CNTN5: variants seen among roughly 807,000 people sequenced by gnomAD.
CNTN5 encodes contactin 5, also known as contactin-5.
A neutral mutation model predicts 129.1 loss-of-function variants in CNTN5; 77 were observed. The ratio of observed to expected loss-of-function variants is 0.60; its 90% CI spans 0.50 to 0.72. The LOEUF (loss-of-function observed/expected upper bound fraction) is 0.72. CNTN5 is among the 30% of genes least tolerant of loss of function. The pLI, the probability that CNTN5 is intolerant of heterozygous loss-of-function variation, is 0.00. For synonymous variants in CNTN5, 509 were observed against 465.6 expected, an observed-to-expected ratio of 1.09 and a Z score of -1.20; for missense variants, 1,478 against 1,328.8, an observed-to-expected ratio of 1.11 and a Z score of -1.75.
At chr11:99,988,851 TTGTGTGTGTGTG>T (rs59171240) in intron 8 of CNTN5, among the ~76,000 whole-genome samples, 1 of 150,028 alleles carries the variant, frequency 6.7e-6, no homozygotes, top group African/African-American at 2.5e-5. Flanking sequence ...GTGTGTGTGT[TTGTGTGTGTGTG>T]TGTGTGTGTG....
chr11:99,880,310 A>G (rs1268648505), intron 6 of CNTN5, among the ~76,000 whole-genome samples: 1 of 152,208 alleles, frequency 6.6e-6, no homozygotes, highest in Non-Finnish European at 1.5e-5. Context: ...CATGGCTAAC[A>G]GTTGCTTATG....
intron 3 of CNTN5, among the ~76,000 whole-genome samples, chr11:99,558,846 T>A (rs1948753309): frequency 6.6e-6 from 1 of 152,102 alleles, no homozygotes; most frequent in African/African-American, 2.4e-5. Context: ...TGATCTTTAA[T>A]CATCATATCT....
intron 3 of CNTN5, among the ~76,000 whole-genome samples, chr11:99,556,494 G>T (rs1227356530): frequency 1.4e-5 from 2 of 141,142 alleles, no homozygotes; most frequent in African/African-American, 5.2e-5. Context: ...AATAAAATGA[G>T]TATTTACCTC....
At chr11:99,386,491 AC>A (rs1482044373) in intron 2 of CNTN5, among the ~76,000 whole-genome samples, 1 of 151,946 alleles carries the variant, frequency 6.6e-6, no homozygotes, top group Non-Finnish European at 1.5e-5. Context: ...CTGTCGTGAC[AC>A]CGGTGGGAGT....
At chr11:99,753,438 A>G (rs1306387875) in intron 3 of CNTN5, among the ~76,000 whole-genome samples, 4 of 151,372 alleles carry the variant, frequency 2.6e-5, no homozygotes, top group African/African-American at 9.7e-5. Flanking sequence ...TTGTCATTAT[A>G]GTTTTCACCC....
At chr11:100,046,534 C>CT (rs1415312612) in intron 9 of CNTN5, among the ~76,000 whole-genome samples, 3 of 151,798 alleles carry the variant, frequency 2.0e-5, no homozygotes, top group Non-Finnish European at 2.9e-5. Context: ...TTGTGATTTG[C>CT]TTTTTTTCTT....
intron 3 of CNTN5, among the ~76,000 whole-genome samples, chr11:99,717,819 C>G (rs1226134164): frequency 3.3e-5 from 5 of 152,028 alleles, no homozygotes; most frequent in African/African-American, 9.7e-5. Context: ...TTATTCTGAA[C>G]AGAATGCTTA....
chr11:99,340,593 G>T (rs1866465970), intron 2 of CNTN5, among the ~76,000 whole-genome samples: 1 of 152,162 alleles, frequency 6.6e-6, no homozygotes, highest in African/African-American at 2.4e-5. Context: ...TATTTGTTTT[G>T]GTGTTACTGT....
In CNTN5 at chr11:99,933,851, A is replaced by G. The variant is rs1950244482; in HGVS notation, c.673+17702A>G. ...TGTTTTCAATTTTTGACTATTATGA[A>G]TAAAGCTGCTATGGGATTAGTATAT... On this transcript the variant is annotated intron_variant, in intron 7 of 24. Transcript: ENST00000524871. 2.0e-5 allele frequency among the ~76,000 whole-genome samples: 3 copies of G among 152,238 alleles called. No homozygotes were observed. The South Asian group carries it at 6.2e-4, about 32-fold the overall frequency.
intron 2 of CNTN5, among the ~76,000 whole-genome samples, chr11:99,544,825 A>G (rs1456375742): frequency 1.3e-5 from 2 of 152,204 alleles, no homozygotes; most frequent in Non-Finnish European, 2.9e-5. Flanking sequence ...GTTCCTATCT[A>G]CTTGATCACA....
At chr11:99,961,361 A>G (rs11222060) in intron 8 of CNTN5, among the ~76,000 whole-genome samples, 8,603 of 152,236 alleles carry the variant, frequency 0.057, 276 homozygotes, top group Non-Finnish European at 0.076. Flanking sequence ...AACTAAATCT[A>G]TATTATTAAT....
intron 3 of CNTN5, among the ~76,000 whole-genome samples, chr11:99,789,485 T>A (rs915054339): frequency 6.6e-6 from 1 of 152,012 alleles, no homozygotes; most frequent in Admixed American, 6.6e-5. Context: ...CAATAAACTA[T>A]CATGGAATAA....
chr11:99,805,307 A>G (rs1269479192), intron 3 of CNTN5, among the ~76,000 whole-genome samples: 4 of 152,156 alleles, frequency 2.6e-5, no homozygotes, highest in Non-Finnish European at 5.9e-5. Context: ...AAATTTACCA[A>G]TGTCTGTGGA....
At chr11:100,238,264 T>A (rs1162024705) in intron 16 of CNTN5, among the ~76,000 whole-genome samples, 1 of 151,892 alleles carries the variant, frequency 6.6e-6, no homozygotes, top group African/African-American at 2.4e-5. Context: ...TCAAAATTTT[T>A]AAAATGCCTG....
chr11:99,143,294 T>C (rs1468422410), intron 1 of CNTN5, among the ~76,000 whole-genome samples: 1 of 142,414 alleles, frequency 7.0e-6, no homozygotes, highest in Non-Finnish European at 1.5e-5. Context: ...TATTTTAAAA[T>C]ATACATGTAA....
chr11:99,634,474 G>T (rs1030928740), intron 3 of CNTN5, among the ~76,000 whole-genome samples: 10 of 152,140 alleles, frequency 6.6e-5, no homozygotes, highest in South Asian at 2.1e-4. Flanking sequence ...CAGTGGGCAC[G>T]AACGGTGTCT....
rs376428634 is a variant in CNTN5 at position 100,345,252 on chromosome 11, A to T, written c.3030+4047A>T. Among the ~76,000 whole-genome samples the T allele has an allele frequency of 3.3e-5, 5 of 152,300 alleles. No individual in the cohort carries two copies. In the East Asian group the frequency reaches 7.7e-4, roughly 24 times the overall value. ...TCCACAATGGTGACTTGAAAGCAGT[A>T]TCCTCAAGAGGGGAGGAACACCGTG... On this transcript the variant is annotated intron_variant, in intron 23 of 24. Transcript: ENST00000524871.
chr11:99,818,193 T>C (rs1946656027), intron 3 of CNTN5, among the ~76,000 whole-genome samples: 1 of 152,200 alleles, frequency 6.6e-6, no homozygotes, highest in Non-Finnish European at 1.5e-5. Flanking sequence ...CAGTGATACT[T>C]TTTTTAATCA....
intron 13 of CNTN5, among the ~76,000 whole-genome samples, chr11:100,085,726 TAGAG>T (rs1266916653): frequency 4.6e-5 from 7 of 152,106 alleles, no homozygotes; most frequent in South Asian, 2.1e-4. Context: ...AATTAAATCA[TAGAG>T]AGACTGCCTA....
Sources: gnomAD v4.1 joint callset for allele counts (sites outside exome capture counted in the v4.1 genomes callset) on GRCh38, gnomAD v4.1.1 for gene constraint, MANE v1.5 for transcripts, NCBI Gene and HGNC (gene_info 2026-07-23, HGNC 2026-07-21) for gene names.